Variants in DPP10 observed in about 807,000 individuals in gnomAD.
DPP10 encodes the protein dipeptidyl peptidase like 10.
Under a neutral mutation model 120.9 loss-of-function variants are expected in DPP10, and 33 were observed. The ratio of observed to expected loss-of-function variants is 0.27; its 90% CI spans 0.21 to 0.37. The LOEUF (loss-of-function observed/expected upper bound fraction) is 0.37, where lower values mean the gene tolerates loss of function less well. Among genes scored for constraint, DPP10 ranks in the 10% least tolerant of loss-of-function variants. DPP10 has a pLI of 1.00. For missense variants in DPP10, 816 were observed against 942.8 expected (o/e 0.87, Z 1.76); for synonymous variants, 337 against 326.1 (o/e 1.03, Z -0.36).
intron 1 of DPP10, among the ~76,000 whole-genome samples, chr2:114,983,664 C>CA (rs1156933898): frequency 6.6e-6 from 1 of 151,952 alleles, no homozygotes; most frequent in Non-Finnish European, 1.5e-5. Context: ...AGCAGACTGC[C>CA]AAGTAGACTG....
chr2:115,657,938 A>AT (rs2088542288), intron 5 of DPP10, among the ~76,000 whole-genome samples: 1 of 151,944 alleles, frequency 6.6e-6, no homozygotes, highest in Non-Finnish European at 1.5e-5. Flanking sequence ...TCCACAGAGC[A>AT]TAGGTACATG....
intron 5 of DPP10, among the ~76,000 whole-genome samples, chr2:115,633,269 A>G (rs1439062574): frequency 1.3e-5 from 2 of 152,194 alleles, no homozygotes; most frequent in Non-Finnish European, 2.9e-5. Flanking sequence ...GGATGAGTTC[A>G]TGTCCTTTGT....
intron 1 of DPP10, among the ~76,000 whole-genome samples, chr2:114,650,403 A>G (rs1696494533): frequency 6.6e-6 from 1 of 152,146 alleles, no homozygotes; most frequent in African/African-American, 2.4e-5. Context: ...CCAGGAGATA[A>G]TTTTAAATGG....
intron 1 of DPP10, among the ~76,000 whole-genome samples, chr2:114,850,476 A>G (rs1165702632): frequency 6.6e-6 from 1 of 152,192 alleles, no homozygotes; most frequent in Non-Finnish European, 1.5e-5. Flanking sequence ...TTTAATGTGC[A>G]TTGCTTGATA....
chr2:115,476,936 A>C (rs2075124400), intron 3 of DPP10, among the ~76,000 whole-genome samples: 1 of 40,984 alleles, frequency 2.4e-5, no homozygotes, highest in South Asian at 1.2e-3. Context: ...CAATTGATAC[A>C]GAAAAAATCA....
intron 1 of DPP10, among the ~76,000 whole-genome samples, chr2:115,279,990 C>A (rs1424047321): frequency 6.6e-6 from 1 of 151,926 alleles, no homozygotes; most frequent in African/African-American, 2.4e-5. Flanking sequence ...TTTTTCTTTC[C>A]TACACTGTTA....
chr2:114,497,205 GTACA>G (rs1682637414), intron 1 of DPP10, among the ~76,000 whole-genome samples: 1 of 147,880 alleles, frequency 6.8e-6, no homozygotes, highest in Admixed American at 6.7e-5. Context: ...GTATGCATGT[GTACA>G]TATACGTGTG....
At chr2:114,979,901 T>C (rs1041019639) in intron 1 of DPP10, among the ~76,000 whole-genome samples, 1 of 152,122 alleles carries the variant, frequency 6.6e-6, no homozygotes, top group Non-Finnish European at 1.5e-5. Context: ...TTCTGCCTGC[T>C]GGCGCAAAAG....
At chr2:114,758,753 A>G (rs1680017093) in intron 1 of DPP10, among the ~76,000 whole-genome samples, 1 of 152,210 alleles carries the variant, frequency 6.6e-6, no homozygotes, top group Non-Finnish European at 1.5e-5. Context: ...AACTTTGATT[A>G]ATCACACTGA....
intron 1 of DPP10, among the ~76,000 whole-genome samples, chr2:115,035,829 A>C (rs1265944391): frequency 6.6e-6 from 1 of 152,266 alleles, no homozygotes; most frequent in Non-Finnish European, 1.5e-5. Context: ...CATCTAATAC[A>C]ATTAACTATT....
rs574547032 is a variant in DPP10, at chr2:114,945,207, A to G, written c.61-364032A>G. Among the ~76,000 whole-genome samples the G allele has an allele frequency of 5.3e-5, 8 of 152,334 alleles. No individual in the cohort carries two copies. In the South Asian group the frequency reaches 1.7e-3, roughly 32 times the overall value. On this transcript the variant is annotated intron_variant, in intron 1 of 25. Coordinates refer to ENST00000410059, the MANE Select transcript of DPP10 (RefSeq NM_020868.6). ...GTGGTGATATTTTAGATACAATACT[A>G]AAAGCATAATCTGTAACAAATTGAT...
rs565982167 is a variant in DPP10 at position 115,437,494 on chromosome 2, TTTAAG to T, written c.272-62009_272-62005del. On this transcript the variant is annotated intron_variant, in intron 3 of 25. Coordinates refer to ENST00000410059, the MANE Select transcript of DPP10 (RefSeq NM_020868.6). ...TAAAAGAGGAACTTGCTAGAAGTGGTTTAAGTTAAGTGTGTTACTCAATGATCTTC... is the reference window on the plus strand; with the variant it reads ...TAAAAGAGGAACTTGCTAGAAGTGGTTTAAGTGTGTTACTCAATGATCTTC... Among the ~76,000 whole-genome samples, 234 of 152,106 alleles carry T rather than the reference TTTAAG, an allele frequency of 1.5e-3. 1 individual carries two copies. Among genetic ancestry groups the T allele is most frequent in the African/African-American group, 4.7e-3 (196 of 41,550 alleles).
intron 4 of DPP10, among the ~76,000 whole-genome samples, chr2:115,508,286 A>G (rs1294434576): frequency 6.6e-6 from 1 of 152,110 alleles, no homozygotes. Flanking sequence ...ACTCCATAAT[A>G]TTTTATATGC....
chr2:115,552,071 A>T (rs1297510824), intron 5 of DPP10, among the ~76,000 whole-genome samples: 1 of 152,112 alleles, frequency 6.6e-6, no homozygotes, highest in African/African-American at 2.4e-5. Context: ...GAGTAGATTG[A>T]ATTAAACGGC....
chr2:115,483,200 C>G (rs1486901720), intron 3 of DPP10, among the ~76,000 whole-genome samples: 1 of 152,020 alleles, frequency 6.6e-6, no homozygotes. Flanking sequence ...TGGATACATA[C>G]TCTGTGGAAG....
chr2:115,317,720 A>G (rs1358849609), intron 2 of DPP10, among the ~76,000 whole-genome samples: 4 of 151,344 alleles, frequency 2.6e-5, no homozygotes, highest in Non-Finnish European at 5.9e-5. Flanking sequence ...ATAATTAACT[A>G]TGTTGACTGA....
At chr2:115,339,379 A>G (rs2063327908) in intron 2 of DPP10, among the ~76,000 whole-genome samples, 2 of 152,140 alleles carry the variant, frequency 1.3e-5, no homozygotes, top group African/African-American at 4.8e-5. Flanking sequence ...TGGTAAAACT[A>G]CTGTAAAAAA....
intron 4 of DPP10, among the ~76,000 whole-genome samples, chr2:115,501,165 T>C (rs1185586095): frequency 6.6e-6 from 1 of 152,066 alleles, no homozygotes; most frequent in African/African-American, 2.4e-5. Flanking sequence ...AGGTTAGATA[T>C]ACTCAGTACA....
intron 1 of DPP10, among the ~76,000 whole-genome samples, chr2:114,698,886 C>T (rs1349438706): frequency 6.6e-6 from 1 of 152,028 alleles, no homozygotes; most frequent in Non-Finnish European, 1.5e-5. Context: ...GCACCTTTCC[C>T]AAAGTAATAA....
Sources: allele counts gnomAD v4.1 joint callset (sites outside exome capture counted in the v4.1 genomes callset), GRCh38; gene constraint gnomAD v4.1.1; transcripts MANE v1.5; gene names NCBI Gene and HGNC (gene_info 2026-07-23, HGNC 2026-07-21).